MCTP1: variants seen among roughly 807,000 people sequenced by gnomAD.
MCTP1 encodes multiple C2 and transmembrane domain containing 1.
MCTP1 carries 69 observed loss-of-function variants against 120.6 expected under a neutral mutation model. The ratio of observed to expected loss-of-function variants is 0.57; its 90% CI spans 0.47 to 0.70. The LOEUF is 0.70. Among genes scored for constraint, MCTP1 ranks in the 30% least tolerant of loss-of-function variants. The pLI is 0.00. For missense variants in MCTP1, 1,203 were observed against 1,248.8 expected (o/e 0.96, Z 0.55); for synonymous variants, 529 against 493.1 (o/e 1.07, Z -0.96).
At chr5:94,853,196 G>C (rs1212416082) in intron 17 of MCTP1, among the ~76,000 whole-genome samples, 1 of 151,950 alleles carries the variant, frequency 6.6e-6, no homozygotes, top group Non-Finnish European at 1.5e-5. Flanking sequence ...TTGTGGGTAG[G>C]TAGGGCGGGG....
At chr5:94,967,655 C>T (rs922174606) in intron 2 of MCTP1, among the ~76,000 whole-genome samples, 2 of 152,176 alleles carry the variant, frequency 1.3e-5, no homozygotes, top group African/African-American at 2.4e-5. Context: ...CAGAGATGTT[C>T]GAGACTGGTG....
intron 1 of MCTP1, among the ~76,000 whole-genome samples, chr5:95,030,508 AG>A (rs1299576336): frequency 2.6e-5 from 4 of 152,198 alleles, no homozygotes; most frequent in African/African-American, 9.7e-5. Context: ...CCAATACACC[AG>A]TACAACAAGC....
chr5:95,281,902 T>C (rs1023391087), intron 1 of MCTP1, among the ~76,000 whole-genome samples: 2 of 152,212 alleles, frequency 1.3e-5, no homozygotes, highest in African/African-American at 4.8e-5. Flanking sequence ...ATCTAAAAAA[T>C]GGAACAAGTT....
intron 17 of MCTP1, among the ~76,000 whole-genome samples, chr5:94,861,793 C>T (rs1247826351): frequency 6.6e-6 from 1 of 151,654 alleles, no homozygotes; most frequent in Non-Finnish European, 1.5e-5. Flanking sequence ...TTTTTTGATC[C>T]TTAGTCAACT....
chr5:95,095,006 A>ATTTTTTTTTTTTTTTTTT (rs756132693), intron 1 of MCTP1, among the ~76,000 whole-genome samples: 1 of 36,964 alleles, frequency 2.7e-5, no homozygotes, highest in African/African-American at 1.2e-4. Context: ...GTTATGTTAG[A>ATTTTTTTTTTTTTTTTTT]TTTTTTTTTT....
intron 1 of MCTP1, among the ~76,000 whole-genome samples, chr5:95,024,819 T>C (rs116153981): frequency 0.01 from 1,535 of 152,164 alleles, 30 homozygotes; most frequent in African/African-American, 0.036. Context: ...AAAACAATCC[T>C]ATTTACAATA....
chr5:95,052,112 G>T (rs1407726429), intron 1 of MCTP1, among the ~76,000 whole-genome samples: 1 of 152,172 alleles, frequency 6.6e-6, no homozygotes, highest in East Asian at 1.9e-4. Context: ...GTAATATTAA[G>T]ATAAGTTTTA....
chr5:95,201,503 TTTTTTTTTTTTTTTTTTTTG>T (rs1751044949), intron 1 of MCTP1, among the ~76,000 whole-genome samples: 3 of 33,846 alleles, frequency 8.9e-5, no homozygotes, highest in African/African-American at 2.6e-4. Flanking sequence ...TTTTTTTTTT[TTTTTTTTTTTTTTTTTTTTG>T]AGACAGAGTC....
At chr5:95,173,917 G>T (rs976144382) in intron 1 of MCTP1, among the ~76,000 whole-genome samples, 2 of 149,690 alleles carry the variant, frequency 1.3e-5, no homozygotes, top group African/African-American at 2.4e-5. Context: ...AATTAAAAAT[G>T]AAAGAACTGA....
At position 94,868,344 on chromosome 5, in the gene MCTP1, C is replaced by A. The variant is rs775564022; in HGVS notation, c.2425G>T (p.Ala809Ser). 8 of 1,597,896 alleles carry A rather than the reference C, an allele frequency of 5.0e-6. No homozygotes were observed. In the Admixed American group the frequency reaches 7.0e-5, roughly 14 times the overall value. ...CAGTATGATCATACCACAAAAGCAGCGAGACTCCTTGGGGGTGAATCCCAA... is the reference window on the plus strand; with the variant it reads ...CAGTATGATCATACCACAAAAGCAGAGAGACTCCTTGGGGGTGAATCCCAA... ...FDWDSPPRSL[A>S]AFVLFLFVVW... is the part of the protein sequence containing the mutation. Residue 809 changes from alanine (A) to serine (S), a missense_variant, in exon 17 of 23, where the codon GCT becomes TCT. By Grantham distance (99) the Ala-to-Ser change is moderately conservative (BLOSUM62 1). This residue lies in a region of MCTP1 where 740 missense variants were observed against 871.1 expected (regional missense o/e 0.85). Coordinates refer to ENST00000515393, the MANE Select transcript of MCTP1 (RefSeq NM_024717.7).
intron 1 of MCTP1, among the ~76,000 whole-genome samples, chr5:95,125,467 T>C (rs1424836316): frequency 6.6e-6 from 1 of 152,196 alleles, no homozygotes. Context: ...AGCCACAACC[T>C]TCACCTGGCA....
In MCTP1 at chr5:95,026,461, A is replaced by G. The variant is rs1481289267; in HGVS notation, c.721-8977T>C. 8.6e-5 allele frequency among the ~76,000 whole-genome samples: 13 copies of G among 151,258 alleles called. No individual in the cohort carries two copies. The East Asian group carries it at 2.3e-3, about 27-fold the overall frequency. ...CCCTCAACCCCCAACTACCCTTCCC[A>G]CTCTCTGGTAACCATCCTTCTACTC... is the stretch of plus-strand genomic sequence containing the variant. On this transcript the variant is annotated intron_variant, in intron 1 of 22. Coordinates refer to ENST00000515393, the MANE Select transcript of MCTP1 (RefSeq NM_024717.7).
intron 17 of MCTP1, among the ~76,000 whole-genome samples, chr5:94,854,631 T>A (rs1404779433): frequency 6.6e-6 from 1 of 151,850 alleles, no homozygotes; most frequent in East Asian, 1.9e-4. Flanking sequence ...ACTTGAGGGA[T>A]GAGTTTCTCC....
At chr5:95,101,240 A>G (rs777608663) in intron 1 of MCTP1, among the ~76,000 whole-genome samples, 6 of 152,248 alleles carry the variant, frequency 3.9e-5, no homozygotes, top group Non-Finnish European at 7.3e-5. Flanking sequence ...ATTAAAATAT[A>G]AACAAAAGAT....
At chr5:94,778,260 C>T (rs1775849706) in intron 19 of MCTP1, among the ~76,000 whole-genome samples, 1 of 152,022 alleles carries the variant, frequency 6.6e-6, no homozygotes, top group African/African-American at 2.4e-5. Context: ...GTTTTACACG[C>T]CAAACAACGT....
chr5:95,148,695 T>C (rs192893446), intron 1 of MCTP1, among the ~76,000 whole-genome samples: 3 of 152,200 alleles, frequency 2.0e-5, no homozygotes, highest in Admixed American at 6.5e-5. Context: ...ATAACTATAA[T>C]GTGGTTAAAA....
At chr5:94,963,563 T>C (rs1164855649) in intron 2 of MCTP1, among the ~76,000 whole-genome samples, 2 of 152,020 alleles carry the variant, frequency 1.3e-5, no homozygotes, top group Middle Eastern at 3.2e-3. Context: ...TGATTACTGA[T>C]GTTGAGGACC....
Position 95,042,011 on chromosome 5 carries a change from C to T in MCTP1, c.721-24527G>A, listed in dbSNP as rs572797655. On this transcript the variant is annotated intron_variant, in intron 1 of 22. Coordinates refer to ENST00000515393, the MANE Select transcript of MCTP1 (RefSeq NM_024717.7). ...CAGCATCTCACTTTCTACAGAAATTCAAGTTCAAAGTGCAAAAGTCTGAAG... is the reference window on the plus strand; with the variant it reads ...CAGCATCTCACTTTCTACAGAAATTTAAGTTCAAAGTGCAAAAGTCTGAAG... Among the ~76,000 whole-genome samples the T allele has an allele frequency of 2.5e-4, 38 of 152,244 alleles. No homozygotes were observed. The East Asian group carries it at 6.6e-3, about 26-fold the overall frequency.
At chr5:94,994,181 T>C (rs1388346606) in intron 2 of MCTP1, among the ~76,000 whole-genome samples, 1 of 152,180 alleles carries the variant, frequency 6.6e-6, no homozygotes, top group Non-Finnish European at 1.5e-5. Flanking sequence ...TTATGGTATC[T>C]TGTCATCTAA....
Sources: allele counts gnomAD v4.1 joint callset (sites outside exome capture counted in the v4.1 genomes callset), GRCh38; gene constraint gnomAD v4.1.1; regional missense constraint gnomAD v4.1.1; transcripts MANE v1.5; gene names NCBI Gene and HGNC (gene_info 2026-07-23, HGNC 2026-07-21).